The following ENKUR variants were observed in gnomAD, a reference collection of about 807,000 sequenced individuals.
ENKUR encodes enkurin, TRPC channel interacting protein.
A neutral mutation model predicts 27.6 loss-of-function variants in ENKUR; 19 were observed. That is an observed-to-expected ratio of 0.69 (90% CI 0.48 to 1.01). The LOEUF (loss-of-function observed/expected upper bound fraction) is 1.01. Among genes scored for constraint, ENKUR ranks in the 50% least tolerant of loss-of-function variants. The probability of loss-of-function intolerance (pLI) is 0.00; values close to 1 mark genes in which losing one functional copy is unlikely to be tolerated. For missense variants in ENKUR, 312 were observed against 310.5 expected, an observed-to-expected ratio of 1.00 and a Z score of -0.04; for synonymous variants, 117 against 96.9, an observed-to-expected ratio of 1.21 and a Z score of -1.22.
At chr10:25,011,409 G>A (rs1297418813) in intron 1 of ENKUR, among the ~76,000 whole-genome samples, 2 of 152,106 alleles carry the variant, frequency 1.3e-5, no homozygotes. Context: ...TATTCACTCT[G>A]ATGGTAGTTT....
chr10:24,993,578 T>C (rs1849974736), intron 3 of ENKUR, among the ~76,000 whole-genome samples: 1 of 152,250 alleles, frequency 6.6e-6, no homozygotes, highest in Non-Finnish European at 1.5e-5. Context: ...TATAAAAATA[T>C]GACATTGACT....
At chr10:24,985,573 T>TATTG (rs1466970421) in intron 4 of ENKUR, among the ~76,000 whole-genome samples, 68 of 152,366 alleles carry the variant, frequency 4.5e-4, no homozygotes, top group African/African-American at 1.6e-3. Context: ...ATAATGTAGC[T>TATTG]AACAGTTTCT....
intron 1 of ENKUR, among the ~76,000 whole-genome samples, chr10:25,004,763 A>C (rs572439664): frequency 6.6e-6 from 1 of 152,094 alleles, no homozygotes; most frequent in African/African-American, 2.4e-5. Flanking sequence ...TCTTTACTTT[A>C]ATTAGATCCC....
chr10:25,022,256 G>C (rs1293684301), intron 2 of ENKUR, among the ~76,000 whole-genome samples: 1 of 152,108 alleles, frequency 6.6e-6, no homozygotes, highest in Non-Finnish European at 1.5e-5. Flanking sequence ...AAATTATAGA[G>C]CTTCTTTGGA....
In ENKUR at chr10:25,015,941, A is replaced by T; in HGVS notation, c.-5T>A. Reference sequence around the variant, plus strand: ...AGAAGAGCACGTTGGATCCATGGCCACCAAATGACTCCTTAAAAGCTACTC... The same window carrying T: ...AGAAGAGCACGTTGGATCCATGGCCTCCAAATGACTCCTTAAAAGCTACTC... On this transcript the variant is annotated 5_prime_UTR_variant, in exon 1 of 6. Coordinates refer to ENST00000331161, the MANE Select transcript of ENKUR (RefSeq NM_145010.4). 1.2e-6 allele frequency: 2 copies of T among 1,604,594 alleles called. No homozygotes were observed. The highest frequency in any genetic ancestry group is 1.7e-6 in the Non-Finnish European group (2 of 1,175,274).
chr10:25,006,254 G>A (rs2132709635), intron 1 of ENKUR, among the ~76,000 whole-genome samples: 1 of 152,070 alleles, frequency 6.6e-6, no homozygotes, highest in East Asian at 1.9e-4. Context: ...CTATAATGAG[G>A]GCAACAGTAG....
At chr10:25,060,009 G>C (rs1009287257) in intron 2 of ENKUR, among the ~76,000 whole-genome samples, 2 of 152,158 alleles carry the variant, frequency 1.3e-5, no homozygotes, top group African/African-American at 4.8e-5. Context: ...GATAATCCCT[G>C]TTCCTAATCC....
intron 1 of ENKUR, 74 bp from the exon 2 acceptor site, chr10:24,999,620 A>C: frequency 7.7e-7 from 1 of 1,305,270 alleles, no homozygotes. Flanking sequence ...TAAAGTTTAA[A>C]TCTTACATTT....
chr10:25,002,730 GT>G (rs1166396532), intron 1 of ENKUR, among the ~76,000 whole-genome samples: 2 of 151,890 alleles, frequency 1.3e-5, no homozygotes, highest in African/African-American at 2.4e-5. Context: ...AAACATTATT[GT>G]TTTTTTCCTT....
chr10:24,988,878 C>T (rs1849862422), intron 4 of ENKUR, among the ~76,000 whole-genome samples: 1 of 151,644 alleles, frequency 6.6e-6, no homozygotes, highest in Non-Finnish European at 1.5e-5. Context: ...CAACTCTTGC[C>T]TAGGGAAGGA....
At chr10:25,050,633 G>A (rs1851178102) in intron 2 of ENKUR, among the ~76,000 whole-genome samples, 1 of 152,100 alleles carries the variant, frequency 6.6e-6, no homozygotes, top group Non-Finnish European at 1.5e-5. Flanking sequence ...GGGGATTCAG[G>A]CAAACCATAT....
chr10:25,038,835 T>C (rs1388951267), intron 2 of ENKUR, among the ~76,000 whole-genome samples: 1 of 152,252 alleles, frequency 6.6e-6, no homozygotes, highest in Non-Finnish European at 1.5e-5. Context: ...CTGTTTCTCA[T>C]AATGTTAACT....
At chr10:25,039,275 A>G (rs1240546668) in intron 2 of ENKUR, among the ~76,000 whole-genome samples, 1 of 152,142 alleles carries the variant, frequency 6.6e-6, no homozygotes, top group Non-Finnish European at 1.5e-5. Context: ...TTGCTGTTGT[A>G]CTGTCATTCA....
At chr10:25,041,232 T>C (rs1202868089) in intron 2 of ENKUR, among the ~76,000 whole-genome samples, 1 of 152,236 alleles carries the variant, frequency 6.6e-6, no homozygotes, top group African/African-American at 2.4e-5. Flanking sequence ...CTGGTTTCTA[T>C]GATTTGGATG....
At chr10:25,061,055 C>G (rs868502993) in intron 2 of ENKUR, 1 of 1,486,444 alleles carries the variant, frequency 6.7e-7, no homozygotes, top group South Asian at 1.2e-5. Flanking sequence ...TCTAAGGCCC[C>G]CTATTAGGCT....
intron 2 of ENKUR, chr10:25,021,921 CAG>C (rs1850726340): frequency 1.3e-5 from 2 of 152,092 alleles, no homozygotes; most frequent in African/African-American, 4.8e-5. Flanking sequence ...AAGTTAAATT[CAG>C]AGTTAGCTTA....
At chr10:25,023,984 C>G in intron 2 of ENKUR, 1 of 1,614,148 alleles carries the variant, frequency 6.2e-7, no homozygotes. Context: ...TTTAGTGAAG[C>G]TGTAATTGAG....
chr10:25,044,961 C>G (rs192538933), intron 2 of ENKUR, among the ~76,000 whole-genome samples: 2 of 152,358 alleles, frequency 1.3e-5, no homozygotes, highest in African/African-American at 4.8e-5. Flanking sequence ...CTGACTCCCT[C>G]TCTGATGCCT....
chr10:25,020,973 T>A (rs368627781), upstream of ENKUR, among the ~76,000 whole-genome samples: 1 of 152,190 alleles, frequency 6.6e-6, no homozygotes, highest in Non-Finnish European at 1.5e-5. Context: ...TAAAATAAAT[T>A]GATGTTATGG....
Sources: allele counts gnomAD v4.1 joint callset (sites outside exome capture counted in the v4.1 genomes callset), GRCh38; gene constraint gnomAD v4.1.1; transcripts MANE v1.5; gene names NCBI Gene and HGNC (gene_info 2026-07-23, HGNC 2026-07-21).